The following LPGAT1 variants were observed in gnomAD, a reference collection of about 807,000 sequenced individuals.
LPGAT1 encodes the protein acyl-CoA:lysophosphatidylglycerol acyltransferase 1.
In LPGAT1, 11 loss-of-function variants were observed where a neutral mutation model predicts 47.5. The observed-to-expected ratio is 0.23, with a 90% confidence interval of 0.15 to 0.38. The LOEUF is 0.38. Ranked by LOEUF, LPGAT1 falls within the 10% of genes least tolerant of loss-of-function variation. LPGAT1 has a pLI of 1.00. For synonymous variants in LPGAT1, 138 were observed against 144.2 expected (o/e 0.96, Z 0.31); for missense variants, 293 against 439.0 (o/e 0.67, Z 2.97).
chr1:211,824,052 C>A (rs1457512336), intron 2 of LPGAT1, among the ~76,000 whole-genome samples: 2 of 152,086 alleles, frequency 1.3e-5, no homozygotes, highest in Middle Eastern at 3.4e-3. Context: ...TGATAATAGA[C>A]CTTTCAGGAA....
chr1:211,767,336 A>G (rs1328367476), intron 6 of LPGAT1, among the ~76,000 whole-genome samples: 1 of 151,994 alleles, frequency 6.6e-6, no homozygotes, highest in Non-Finnish European at 1.5e-5. Context: ...AGATTTCACT[A>G]TGTTGGCCAG....
chr1:211,803,116 A>T (rs912074674), intron 2 of LPGAT1: 10 of 152,194 alleles, frequency 6.6e-5, no homozygotes, highest in Non-Finnish European at 8.8e-5. Context: ...AAAAAGAGAA[A>T]AAAAAATTCC....
At position 211,751,214 on chromosome 1, in the gene LPGAT1, T is replaced by C. The variant is rs1036205940; in HGVS notation, c.855-147A>G. The C allele has an allele frequency of 1.6e-4, 93 of 596,514 alleles. 1 individual carries two copies. The African/African-American group carries it at 1.7e-3, about 11-fold the overall frequency. The allele number at this position is 596,514 out of a possible 1,614,324, so 37.0% of individuals were successfully genotyped here. ...GTTGGTTTCTTCAGCTTTTCAGGTA[T>C]CTTGGTTATTAAAAATTGTTGATTA... On this transcript the variant is annotated intron_variant, in intron 6 of 7. Transcript: ENST00000366997.
At chr1:211,775,676 C>T (rs1039747666) in intron 6 of LPGAT1, among the ~76,000 whole-genome samples, 3 of 152,090 alleles carry the variant, frequency 2.0e-5, no homozygotes, top group African/African-American at 7.2e-5. Flanking sequence ...TGCCTGTAAT[C>T]CCAGCACTTT....
chr1:211,822,226 G>A (rs1218098263), intron 2 of LPGAT1, among the ~76,000 whole-genome samples: 1 of 152,148 alleles, frequency 6.6e-6, no homozygotes, highest in Non-Finnish European at 1.5e-5. Flanking sequence ...TAGTCTATGT[G>A]AAGGTGTGTG....
At chr1:211,813,675 C>T (rs1000100030) in intron 2 of LPGAT1, among the ~76,000 whole-genome samples, 1 of 152,188 alleles carries the variant, frequency 6.6e-6, no homozygotes, top group Non-Finnish European at 1.5e-5. Context: ...CAGGAGAGAA[C>T]ATTTTGCTTA....
chr1:211,820,103 G>T (rs999646954), intron 2 of LPGAT1, among the ~76,000 whole-genome samples: 1 of 152,158 alleles, frequency 6.6e-6, no homozygotes, highest in African/African-American at 2.4e-5. Flanking sequence ...AGACCTTCTA[G>T]AAGGTCTAGA....
chr1:211,820,363 TA>T (rs1044357636), intron 2 of LPGAT1, among the ~76,000 whole-genome samples: 1 of 150,988 alleles, frequency 6.6e-6, no homozygotes, highest in Non-Finnish European at 1.5e-5. Flanking sequence ...CAGAGTACAC[TA>T]AAAAAAAATT....
intron 6 of LPGAT1, among the ~76,000 whole-genome samples, chr1:211,771,565 G>A (rs528581949): frequency 2.1e-4 from 32 of 151,866 alleles, no homozygotes; most frequent in Middle Eastern, 3.4e-3. Context: ...GTGCAGTGGC[G>A]CTATTTCAGC....
Position 211,793,206 on chromosome 1 carries a change from A to G in LPGAT1, c.239-16T>C, listed in dbSNP as rs776125664. 10 of 1,545,620 alleles carry G rather than the reference A, an allele frequency of 6.5e-6. No homozygotes were observed. The highest frequency in any genetic ancestry group is 8.0e-6 in the Non-Finnish European group (9 of 1,124,534). On this transcript the variant is annotated splice_polypyrimidine_tract_variant and intron_variant, in intron 2 of 7. Transcript: ENST00000366997. ...CATTCCATCACTGTAAGAACAAAAAAGTTTCAAAGCTGTCATTTTAAAGAT... is the reference window on the plus strand; with the variant it reads ...CATTCCATCACTGTAAGAACAAAAAGGTTTCAAAGCTGTCATTTTAAAGAT...
intron 6 of LPGAT1, among the ~76,000 whole-genome samples, chr1:211,767,919 ATCATTACTGTACC>A: frequency 6.6e-6 from 1 of 152,278 alleles, no homozygotes; most frequent in East Asian, 1.9e-4. Context: ...CTGAACATAT[ATCATTACTGTACC>A]CGAGGGTGTA....
intron 6 of LPGAT1, among the ~76,000 whole-genome samples, chr1:211,773,741 G>A (rs1343620378): frequency 6.6e-6 from 1 of 152,134 alleles, no homozygotes; most frequent in Admixed American, 6.5e-5. Context: ...GAACAGCAGT[G>A]CACTGTGCCC....
At chr1:211,787,510 G>T in intron 4 of LPGAT1, 122 bp downstream of exon 4, 1 of 318,980 alleles carries the variant, frequency 3.1e-6, no homozygotes, top group East Asian at 5.2e-5. Flanking sequence ...AAAAAAAAAA[G>T]CTCCCTAAGA....
At chr1:211,814,325 G>A (rs774541578) in intron 2 of LPGAT1, among the ~76,000 whole-genome samples, 1 of 152,216 alleles carries the variant, frequency 6.6e-6, no homozygotes, top group East Asian at 1.9e-4. Flanking sequence ...AACTGGAGCA[G>A]TGTGGAAGGG....
chr1:211,792,711 C>CTTTTTTT (rs34552405), intron 3 of LPGAT1, among the ~76,000 whole-genome samples: 4 of 104,602 alleles, frequency 3.8e-5, no homozygotes, highest in Non-Finnish European at 7.1e-5. Context: ...AATTGATTCC[C>CTTTTTTT]TTTTTTTTTT....
At chr1:211,787,141 C>T (rs922464239) in intron 4 of LPGAT1, among the ~76,000 whole-genome samples, 3 of 152,090 alleles carry the variant, frequency 2.0e-5, no homozygotes, top group Non-Finnish European at 4.4e-5. Context: ...TAATACTTAT[C>T]CATACTCAAA....
In LPGAT1 at chr1:211,830,744, C is replaced by G; in HGVS notation, c.-199G>C. The G allele has an allele frequency of 8.6e-7, 1 of 1,167,390 alleles. No homozygotes were observed. The highest frequency in any genetic ancestry group is 1.1e-6 in the Non-Finnish European group (1 of 946,752). 72.3% of individuals were successfully genotyped at this position (1,167,390 alleles called of 1,614,324 possible). On this transcript the variant is annotated 5_prime_UTR_variant, in exon 1 of 8. Coordinates refer to ENST00000366997, the MANE Select transcript of LPGAT1 (RefSeq NM_014873.3). This position sits in a 1 kb window ranked among gnomAD's most constrained non-coding sequence, Gnocchi z 5.9. ...CGCCGAGACTCGGTCCCCAAGGGCCCGGCCGCGTTCGCCCGGACTGGCGGG... is the reference window on the plus strand; with the variant it reads ...CGCCGAGACTCGGTCCCCAAGGGCCGGGCCGCGTTCGCCCGGACTGGCGGG...
Position 211,782,918 on chromosome 1 carries a change from C to T in LPGAT1, c.727+311G>A, listed in dbSNP as rs558290957. On this transcript the variant is annotated intron_variant, in intron 5 of 7. Coordinates refer to ENST00000366997, the MANE Select transcript of LPGAT1 (RefSeq NM_014873.3). ...GCAATTCCACTTCTAGGAATCTGTA[C>T]TACAGAAATAGTTCCACCAATATGT... Among the ~76,000 whole-genome samples, 8 of 152,216 alleles carry T rather than the reference C, an allele frequency of 5.3e-5. No individual in the cohort carries two copies. In the East Asian group the frequency reaches 1.5e-3, roughly 29 times the overall value.
At chr1:211,813,566 C>T (rs527638065) in intron 2 of LPGAT1, among the ~76,000 whole-genome samples, 126 of 151,950 alleles carry the variant, frequency 8.3e-4, no homozygotes, top group Admixed American at 1.3e-3. Flanking sequence ...CAAATTTCTA[C>T]GAAAATTTTA....
Sources: gnomAD v4.1 joint callset for allele counts (sites outside exome capture counted in the v4.1 genomes callset) on GRCh38, gnomAD v4.1.1 for gene constraint, Gnocchi (gnomAD v3.1) non-coding constraint, MANE v1.5 for transcripts, NCBI Gene and HGNC (gene_info 2026-07-23, HGNC 2026-07-21) for gene names.